The following KCNN2 variants were observed in gnomAD, a reference collection of about 807,000 sequenced individuals.
The protein encoded by KCNN2 is potassium calcium-activated channel subfamily N member 2, also known as small conductance calcium-activated potassium channel protein 2.
A neutral mutation model predicts 55.5 loss-of-function variants in KCNN2; 24 were observed. The ratio of observed to expected loss-of-function variants is 0.43; its 90% CI spans 0.31 to 0.61. The LOEUF (loss-of-function observed/expected upper bound fraction) is 0.61, where lower values mean the gene tolerates loss of function less well. KCNN2 is among the 20% of genes least tolerant of loss of function. The pLI is 0.08. For missense variants in KCNN2, 754 were observed against 853.6 expected (o/e 0.88, Z 1.45); for synonymous variants, 431 against 336.1 (o/e 1.28, Z -3.09).
At chr5:114,204,657 A>T (rs1207954107) in intron 1 of KCNN2, among the ~76,000 whole-genome samples, 1 of 152,170 alleles carries the variant, frequency 6.6e-6, no homozygotes, top group African/African-American at 2.4e-5. Context: ...TACACAGCAT[A>T]CTCAGTAGCC....
intron 1 of KCNN2, among the ~76,000 whole-genome samples, chr5:114,091,293 G>T (rs876330): frequency 0.53 from 79,993 of 151,904 alleles, 22,041 homozygotes; most frequent in East Asian, 0.69. Context: ...CTCTATGAGA[G>T]CTCTCCTTGG....
At chr5:114,392,518 G>C (rs960018223) in intron 2 of KCNN2, among the ~76,000 whole-genome samples, 1 of 152,178 alleles carries the variant, frequency 6.6e-6, no homozygotes, top group Non-Finnish European at 1.5e-5. Context: ...AGGATGGATG[G>C]TGAGGGAATG....
chr5:114,355,842 T>C (rs544622087), intron 2 of KCNN2, among the ~76,000 whole-genome samples: 1 of 152,290 alleles, frequency 6.6e-6, no homozygotes, highest in East Asian at 1.9e-4. Context: ...TAGAAGAGTG[T>C]GTCTGAATAC....
rs1561560578 is a variant in KCNN2 at position 114,296,966 on chromosome 5, CTG to C, written c.-184-63974_-184-63973del. The stretch of plus-strand genomic sequence containing the variant: ...GGCAGGTCATTTTATTTCAGGGGCT[CTG>C]TGTGAGTATTTCCTCCTTAGCTACT... On this transcript the variant is annotated intron_variant, in intron 2 of 10. Transcript: ENST00000512097. 2.0e-5 allele frequency among the ~76,000 whole-genome samples: 3 copies of C among 152,010 alleles called. No homozygotes were observed. The East Asian group carries it at 5.8e-4, about 29-fold the overall frequency.
At chr5:114,086,767 G>GAATGATT (rs1186381956) in intron 1 of KCNN2, among the ~76,000 whole-genome samples, 2 of 152,042 alleles carry the variant, frequency 1.3e-5, no homozygotes, top group African/African-American at 4.8e-5. Context: ...CTTTTTGATA[G>GAATGATT]AATGATTTGT....
At chr5:114,260,009 A>G (rs1755070600) in intron 2 of KCNN2, among the ~76,000 whole-genome samples, 1 of 152,210 alleles carries the variant, frequency 6.6e-6, no homozygotes, top group African/African-American at 2.4e-5. Flanking sequence ...TCCTTGCTTC[A>G]TCTTTTTCCC....
chr5:114,279,210 G>C (rs979353877), intron 2 of KCNN2, among the ~76,000 whole-genome samples: 3 of 151,806 alleles, frequency 2.0e-5, no homozygotes, highest in Admixed American at 1.3e-4. Context: ...CAGTCTATCA[G>C]CAAACCCAAT....
At chr5:114,335,913 G>C (rs1756914809) in intron 2 of KCNN2, among the ~76,000 whole-genome samples, 2 of 152,294 alleles carry the variant, frequency 1.3e-5, no homozygotes, top group Non-Finnish European at 2.9e-5. Flanking sequence ...TTAAGAATGA[G>C]AAAAAGTCTT....
intron 1 of KCNN2, among the ~76,000 whole-genome samples, chr5:114,157,004 T>A (rs568725542): frequency 2.2e-4 from 33 of 152,010 alleles, no homozygotes; most frequent in South Asian, 1.7e-3. Flanking sequence ...CTTTTTTTTT[T>A]AAATTTTATT....
At chr5:114,098,918 G>C (rs1017579369) in intron 1 of KCNN2, among the ~76,000 whole-genome samples, 1 of 152,014 alleles carries the variant, frequency 6.6e-6, no homozygotes, top group African/African-American at 2.4e-5. Context: ...CTCACTGTCA[G>C]ACTGGGAACC....
At chr5:114,154,937 G>A (rs945938464) in intron 1 of KCNN2, among the ~76,000 whole-genome samples, 7 of 152,022 alleles carry the variant, frequency 4.6e-5, no homozygotes, top group African/African-American at 1.7e-4. Flanking sequence ...TTGTTACATA[G>A]GCAAACTTTC....
At chr5:114,266,232 A>T (rs1351771337) in intron 2 of KCNN2, among the ~76,000 whole-genome samples, 1 of 152,142 alleles carries the variant, frequency 6.6e-6, no homozygotes, top group African/African-American at 2.4e-5. Context: ...ATTTCAGTTC[A>T]GTCCAGCCAC....
At chr5:114,403,472 C>T (rs1318847341) in intron 2 of KCNN2, among the ~76,000 whole-genome samples, 1 of 152,270 alleles carries the variant, frequency 6.6e-6, no homozygotes, top group Non-Finnish European at 1.5e-5. Context: ...CTTCCTAATA[C>T]GTGGGACTCT....
chr5:114,237,085 T>C (rs867014132), intron 2 of KCNN2, among the ~76,000 whole-genome samples: 49 of 152,262 alleles, frequency 3.2e-4, no homozygotes, highest in Admixed American at 4.6e-4. Context: ...AGGGATTCTC[T>C]TGGGGATATA....
chr5:114,069,761 C>T (rs1750528302), intron 1 of KCNN2, among the ~76,000 whole-genome samples: 1 of 152,182 alleles, frequency 6.6e-6, no homozygotes, highest in Admixed American at 6.5e-5. Context: ...CCACCTAATT[C>T]TCCTCTGCCC....
chr5:114,365,257 G>C lies in KCNN2; in HGVS notation c.1218+1256G>C, dbSNP rs190954553. On this transcript the variant is annotated intron_variant, in intron 2 of 7. Coordinates refer to ENST00000673685, the MANE Select transcript of KCNN2 (RefSeq NM_021614.4). ...TTGGAGAATGATAATTAGAAAGAGT[G>C]AGACTACTCAGAAATAAATTACAAA... is the stretch of plus-strand genomic sequence containing the variant. Among the ~76,000 whole-genome samples the C allele has an allele frequency of 5.9e-5, 9 of 152,276 alleles. No individual in the cohort carries two copies. In the East Asian group the frequency reaches 1.3e-3, roughly 23 times the overall value.
At chr5:114,307,042 C>T (rs1756293977) in intron 2 of KCNN2, among the ~76,000 whole-genome samples, 1 of 152,124 alleles carries the variant, frequency 6.6e-6, no homozygotes, top group Admixed American at 6.6e-5. Context: ...TTTGGTTCCC[C>T]TAGTATCAGT....
intron 1 of KCNN2, among the ~76,000 whole-genome samples, chr5:114,148,755 G>C (rs1279565025): frequency 6.6e-6 from 1 of 152,070 alleles, no homozygotes; most frequent in Non-Finnish European, 1.5e-5. Flanking sequence ...GGAGGTGGAG[G>C]GAGGGGATCA....
intron 1 of KCNN2, among the ~76,000 whole-genome samples, chr5:114,158,323 C>T (rs1752686238): frequency 6.6e-6 from 1 of 152,092 alleles, no homozygotes; most frequent in Non-Finnish European, 1.5e-5. Context: ...AGTTATGCGG[C>T]ATTATTTCTG....
Sources: allele counts gnomAD v4.1 joint callset (sites outside exome capture counted in the v4.1 genomes callset), GRCh38; gene constraint gnomAD v4.1.1; transcripts MANE v1.5; gene names NCBI Gene and HGNC (gene_info 2026-07-23, HGNC 2026-07-21).